PDE1A: variants seen among roughly 807,000 people sequenced by gnomAD.
The protein encoded by PDE1A is phosphodiesterase 1A, also known as dual specificity calcium/calmodulin-dependent 3',5'-cyclic nucleotide phosphodiesterase 1A.
A neutral mutation model predicts 61.7 loss-of-function variants in PDE1A; 35 were observed. That is an observed-to-expected ratio of 0.57 (90% CI 0.43 to 0.75). The LOEUF (loss-of-function observed/expected upper bound fraction) is 0.75. PDE1A is among the 30% of genes least tolerant of loss of function. The probability of loss-of-function intolerance (pLI) is 0.00; values close to 1 mark genes in which losing one functional copy is unlikely to be tolerated. For synonymous variants in PDE1A, 232 were observed against 213.2 expected, an observed-to-expected ratio of 1.09 and a Z score of -0.77; for missense variants, 597 against 630.6, an observed-to-expected ratio of 0.95 and a Z score of 0.57.
At chr2:182,460,590 C>T (rs1315183620) in intron 2 of PDE1A, among the ~76,000 whole-genome samples, 1 of 152,074 alleles carries the variant, frequency 6.6e-6, no homozygotes, top group African/African-American at 2.4e-5. Context: ...GTTTCCTTTG[C>T]TCGACTAAAG....
chr2:182,335,073 T>G (rs1344605710), intron 1 of PDE1A, among the ~76,000 whole-genome samples: 1 of 152,120 alleles, frequency 6.6e-6, no homozygotes, highest in Non-Finnish European at 1.5e-5. Flanking sequence ...TTATAAGGGA[T>G]GTGAAGGACC....
the PDE1A span, among the ~76,000 whole-genome samples, chr2:182,697,814 C>T: frequency 6.6e-6 from 1 of 152,200 alleles, no homozygotes; most frequent in African/African-American, 2.4e-5. Context: ...GGCTAAGACA[C>T]TGGGCGCTGT....
the PDE1A span, among the ~76,000 whole-genome samples, chr2:182,566,921 T>C: frequency 6.6e-6 from 1 of 152,222 alleles, no homozygotes; most frequent in South Asian, 2.1e-4. Flanking sequence ...GTTTACTGTT[T>C]ACTCTTGCTT....
chr2:182,664,352 C>T, the PDE1A span, among the ~76,000 whole-genome samples: 1 of 152,054 alleles, frequency 6.6e-6, no homozygotes, highest in South Asian at 2.1e-4. Context: ...AATATAAATG[C>T]CCATCAATGA....
intron 1 of PDE1A, 28 bp downstream of exon 1, chr2:182,426,550 G>A (rs781320093): frequency 5.4e-6 from 8 of 1,477,166 alleles, no homozygotes; most frequent in Non-Finnish European, 7.6e-6. Flanking sequence ...GACAGCCCTA[G>A]AGCCACCTGC....
intron 3 of PDE1A, among the ~76,000 whole-genome samples, chr2:182,238,284 A>G (rs1468074854): frequency 1.5e-5 from 2 of 131,026 alleles, no homozygotes; most frequent in Non-Finnish European, 3.3e-5. Context: ...AAAAAAAAAG[A>G]AAAAGAAAAA....
At chr2:182,443,157 T>C (rs993165210) in intron 2 of PDE1A, among the ~76,000 whole-genome samples, 7 of 151,874 alleles carry the variant, frequency 4.6e-5, no homozygotes, top group Non-Finnish European at 7.4e-5. Flanking sequence ...CATATAAAAC[T>C]TTCTACCTCG....
the PDE1A span, among the ~76,000 whole-genome samples, chr2:182,686,614 AC>A: frequency 2.6e-5 from 4 of 152,214 alleles, no homozygotes; most frequent in Non-Finnish European, 5.9e-5. Context: ...CAATGCAGAG[AC>A]AGGTGATTTC....
chr2:182,663,433 T>C, the PDE1A span, among the ~76,000 whole-genome samples: 3 of 152,172 alleles, frequency 2.0e-5, no homozygotes, highest in African/African-American at 7.2e-5. Context: ...TTAATGCCTA[T>C]CTATGGTAAA....
chr2:182,172,216 A>G (rs1692290330), intron 13 of PDE1A, among the ~76,000 whole-genome samples: 1 of 152,028 alleles, frequency 6.6e-6, no homozygotes, highest in Non-Finnish European at 1.5e-5. Flanking sequence ...GACTTCCACA[A>G]AGTGGAGCAA....
chr2:182,626,802 C>T, the PDE1A span, among the ~76,000 whole-genome samples: 391 of 5,398 alleles, frequency 0.072, 65 homozygotes, highest in African/African-American at 0.16. Context: ...CATATATATA[C>T]ATATATATAT....
At chr2:182,277,282 G>A (rs1050577473) in intron 1 of PDE1A, among the ~76,000 whole-genome samples, 4 of 152,042 alleles carry the variant, frequency 2.6e-5, no homozygotes, top group African/African-American at 9.7e-5. Context: ...CACCCCTGGA[G>A]TCCCAGCTGT....
chr2:182,430,745 G>A (rs1302428569), upstream of PDE1A, among the ~76,000 whole-genome samples: 1 of 137,314 alleles, frequency 7.3e-6, no homozygotes, highest in East Asian at 2.2e-4. Flanking sequence ...AAGAAAAAGT[G>A]GCACATATAC....
intron 1 of PDE1A, among the ~76,000 whole-genome samples, chr2:182,307,893 G>C (rs1007212410): frequency 1.3e-5 from 2 of 152,070 alleles, no homozygotes; most frequent in African/African-American, 4.8e-5. Context: ...AGAGATGAAA[G>C]ATGACAAGTT....
In PDE1A at chr2:182,332,681, A is replaced by G. The variant is rs1697498908; in HGVS notation, c.54-68267T>C. Among the ~76,000 whole-genome samples the G allele has an allele frequency of 2.0e-5, 3 of 152,118 alleles. No individual in the cohort carries two copies. In the South Asian group the frequency reaches 6.2e-4, roughly 32 times the overall value. On this transcript the variant is annotated intron_variant, in intron 1 of 13. Transcript: ENST00000351439. Reference sequence around the variant, plus strand: ...TGAGTATCACCAGCAGAGGCTGCAGAACAGCAAAGATTGCAGCCTGCTCCT... The same window carrying G: ...TGAGTATCACCAGCAGAGGCTGCAGGACAGCAAAGATTGCAGCCTGCTCCT...
intron 2 of PDE1A, among the ~76,000 whole-genome samples, chr2:182,260,544 C>T (rs980179481): frequency 5.9e-5 from 9 of 152,112 alleles, no homozygotes; most frequent in Admixed American, 3.3e-4. Context: ...ATCATGAAAT[C>T]GCAGCTCTTA....
At chr2:182,511,854 G>C (rs1689816584) in intron 2 of PDE1A, among the ~76,000 whole-genome samples, 1 of 152,160 alleles carries the variant, frequency 6.6e-6, no homozygotes, top group Admixed American at 6.5e-5. Context: ...GACCCTGTCT[G>C]ACCATCAGAG....
At chr2:182,600,541 G>T in the PDE1A span, among the ~76,000 whole-genome samples, 5 of 152,124 alleles carry the variant, frequency 3.3e-5, no homozygotes, top group East Asian at 9.6e-4. Flanking sequence ...CAGGTCTTTG[G>T]GGGATGGATT....
At position 182,483,998 on chromosome 2, in the gene PDE1A, T is replaced by G. The variant is rs116038829; in HGVS notation, c.101+38278A>C. On this transcript the variant is annotated intron_variant, in intron 2 of 14. Transcript: ENST00000410103. ...TTTGAACAACTCTATGCCAAAAAATTGGACAACTTAGATGAAATGGACAAA... is the reference window on the plus strand; with the variant it reads ...TTTGAACAACTCTATGCCAAAAAATGGGACAACTTAGATGAAATGGACAAA... Among the ~76,000 whole-genome samples, 466 of 151,954 alleles carry G rather than the reference T, an allele frequency of 3.1e-3. 2 individuals are homozygous for G. The highest frequency in any genetic ancestry group is 0.011 in the African/African-American group (446 of 41,520).
Sources: allele counts gnomAD v4.1 joint callset (sites outside exome capture counted in the v4.1 genomes callset), GRCh38; gene constraint gnomAD v4.1.1; transcripts MANE v1.5; gene names NCBI Gene and HGNC (gene_info 2026-07-23, HGNC 2026-07-21).